Variants in KIFC3 observed in about 807,000 individuals in gnomAD.
The protein encoded by KIFC3 is kinesin family member C3, also known as kinesin-like protein KIFC3.
A neutral mutation model predicts 101.8 loss-of-function variants in KIFC3; 60 were observed. The ratio of observed to expected loss-of-function variants is 0.59; its 90% CI spans 0.48 to 0.73. The LOEUF is 0.73. KIFC3 is among the 30% of genes least tolerant of loss of function. The probability of loss-of-function intolerance (pLI) is 0.00; values close to 1 mark genes in which losing one functional copy is unlikely to be tolerated. For missense variants in KIFC3, 966 were observed against 1,137.1 expected (o/e 0.85, Z 2.16); for synonymous variants, 476 against 482.7 (o/e 0.99, Z 0.18).
At chr16:57,804,494 A>C (rs1216946711), upstream of KIFC3, among the ~76,000 whole-genome samples, 1 of 152,256 alleles carries the variant, frequency 6.6e-6, no homozygotes, top group Non-Finnish European at 1.5e-5. Flanking sequence ...TTAAGATCAA[A>C]GCACCAGCGA....
chr16:57,830,236 C>CTTTTTTTTTTTTTTTT (rs34842791), intron 1 of KIFC3, among the ~76,000 whole-genome samples: 38 of 119,300 alleles, frequency 3.2e-4, no homozygotes, highest in Non-Finnish European at 4.4e-4. Flanking sequence ...TTTTTTCTTT[C>CTTTTTTTTTTTTTTTT]TTTTTTTTTT....
At chr16:57,837,554 G>A (rs399235) in intron 1 of KIFC3, among the ~76,000 whole-genome samples, 86 of 100,012 alleles carry the variant, frequency 8.6e-4, no homozygotes, top group African/African-American at 2.7e-3. Context: ...AGGAAGGAAG[G>A]AAGAAAGAAA....
At chr16:57,763,564 G>A (rs1046535326) in intron 12 of KIFC3, among the ~76,000 whole-genome samples, 12 of 152,090 alleles carry the variant, frequency 7.9e-5, no homozygotes, top group Non-Finnish European at 1.8e-4. Context: ...CCACAGTCAA[G>A]ATCCTTCCTA....
intron 2 of KIFC3, chr16:57,797,806 C>G: frequency 7.3e-7 from 1 of 1,374,914 alleles, no homozygotes; most frequent in Non-Finnish European, 9.4e-7. Context: ...GGGAATGCAG[C>G]TGATTCCCCC....
chr16:57,761,216 G>T, intron 14 of KIFC3, 45 bp from the exon 15 acceptor site: 2 of 1,606,426 alleles, frequency 1.2e-6, no homozygotes. Flanking sequence ...TGAGAATGGG[G>T]TCCTCAGAGT....
At chr16:57,823,352 A>G (rs2055390312) in intron 1 of KIFC3, among the ~76,000 whole-genome samples, 1 of 152,186 alleles carries the variant, frequency 6.6e-6, no homozygotes, top group Non-Finnish European at 1.5e-5. Context: ...ATGGATTGAT[A>G]TATTATGTCT....
intron 1 of KIFC3, among the ~76,000 whole-genome samples, chr16:57,842,854 G>A (rs1228087617): frequency 6.6e-6 from 1 of 152,112 alleles, no homozygotes; most frequent in East Asian, 1.9e-4. Flanking sequence ...TAGAGCAGCC[G>A]GGCACAGTGG....
intron 1 of KIFC3, among the ~76,000 whole-genome samples, chr16:57,837,288 C>T (rs745596091): frequency 6.6e-6 from 1 of 151,856 alleles, no homozygotes; most frequent in Non-Finnish European, 1.5e-5. Flanking sequence ...GGCAACATGG[C>T]GAAACCCCGT....
At chr16:57,803,060 T>C (rs1568067132), upstream of KIFC3, 26 of 1,535,230 alleles carry the variant, frequency 1.7e-5, no homozygotes, top group Non-Finnish European at 2.3e-5. Context: ...CTCCACCACC[T>C]ACTCGCTGGC....
intron 1 of KIFC3, among the ~76,000 whole-genome samples, chr16:57,832,670 C>G (rs1209894277): frequency 1.3e-5 from 2 of 151,866 alleles, no homozygotes; most frequent in Non-Finnish European, 2.9e-5. Context: ...ACACACACAC[C>G]CTTTTCAGGT....
chr16:57,802,342 A>G lies in KIFC3; in HGVS notation c.-40+28T>C. ...GGGCAGAGCCCAGCGCCCCGCTCGC[A>G]CCCAGCCCGCCCGGGCCCCCCACTC... On this transcript the variant is annotated intron_variant, in intron 1 of 19. Transcript: ENST00000445690. The surrounding 1 kb of genome is among the most constrained non-coding windows in gnomAD (Gnocchi z 5.0). 1 of 967,864 alleles carries G rather than the reference A, an allele frequency of 1.0e-6. No homozygotes were observed. The highest frequency in any genetic ancestry group is 1.2e-6 in the Non-Finnish European group (1 of 815,192). The allele number at this position is 967,864 out of a possible 1,614,324, so 60.0% of individuals were successfully genotyped here.
chr16:57,855,094 AG>A (rs1182009539), intron 1 of KIFC3, among the ~76,000 whole-genome samples: 1 of 150,598 alleles, frequency 6.6e-6, no homozygotes, highest in Non-Finnish European at 1.5e-5. Flanking sequence ...AAAAGGTGAA[AG>A]GGGTTCCCCC....
intron 2 of KIFC3, 26 bp downstream of exon 2, chr16:57,798,042 TAAAG>T (rs782461584): frequency 6.4e-7 from 1 of 1,573,532 alleles, no homozygotes; most frequent in South Asian, 1.2e-5. Context: ...GGAAGGGAAA[TAAAG>T]AGGCATTTTA....
chr16:57,843,415 C>T (rs2055851177), intron 1 of KIFC3, among the ~76,000 whole-genome samples: 1 of 152,190 alleles, frequency 6.6e-6, no homozygotes, highest in Non-Finnish European at 1.5e-5. Context: ...GCCCATTTCA[C>T]AAAGGAGGAA....
chr16:57,794,559 C>A (rs554150096), intron 3 of KIFC3, among the ~76,000 whole-genome samples: 2 of 152,290 alleles, frequency 1.3e-5, no homozygotes, highest in African/African-American at 4.8e-5. Flanking sequence ...TTGGTGATAA[C>A]TGCAAGGGAG....
Position 57,795,098 on chromosome 16 carries a change from A to G in KIFC3, c.216T>C (p.Ser72=). 1.2e-6 allele frequency: 2 copies of G among 1,609,928 alleles called. No individual in the cohort carries two copies. The highest frequency in any genetic ancestry group is 1.1e-5 in the South Asian group (1 of 90,668). The change falls in exon 3 of 20, where the codon AGT becomes AGC. Residue 72 remains serine, a synonymous_variant. Transcript: ENST00000445690. ...DTPVCGDEDS[S]ARSAARPALA... Reference sequence around the variant, plus strand: ...GGGCTGGGCGAGCTGCACTTCGGGCACTGGAGTCCTCGTCACCGCAGACTG... The same window carrying G: ...GGGCTGGGCGAGCTGCACTTCGGGCGCTGGAGTCCTCGTCACCGCAGACTG...
At chr16:57,785,526 G>A (rs569129585) in intron 3 of KIFC3, 1 of 1,288,696 alleles carries the variant, frequency 7.8e-7, no homozygotes, top group Non-Finnish European at 1.0e-6. Context: ...AGCCTCTCCT[G>A]TAGGACCACC....
chr16:57,816,369 T>A, intron 1 of KIFC3: 6 of 808,138 alleles, frequency 7.4e-6, no homozygotes, highest in Non-Finnish European at 1.1e-5. Context: ...GGCTTCCTCT[T>A]GAGGAAGGCC....
At chr16:57,781,569 T>C (rs1051898634) in intron 3 of KIFC3, among the ~76,000 whole-genome samples, 1 of 152,190 alleles carries the variant, frequency 6.6e-6, no homozygotes, top group African/African-American at 2.4e-5. Context: ...TATGGGCCAT[T>C]GGCCCAACTG....
Sources: allele counts gnomAD v4.1 joint callset (sites outside exome capture counted in the v4.1 genomes callset), GRCh38; gene constraint gnomAD v4.1.1; non-coding constraint Gnocchi (gnomAD v3.1); transcripts MANE v1.5; gene names NCBI Gene and HGNC (gene_info 2026-07-23, HGNC 2026-07-21).